CPD: variants seen among roughly 807,000 people sequenced by gnomAD.
CPD encodes metallocarboxypeptidase D.
A neutral mutation model predicts 138.3 loss-of-function variants in CPD; 69 were observed. That is an observed-to-expected ratio of 0.50 (90% CI 0.41 to 0.61). The LOEUF (loss-of-function observed/expected upper bound fraction) is 0.61. Among genes scored for constraint, CPD ranks in the 20% least tolerant of loss-of-function variants. The pLI, the probability that CPD is intolerant of heterozygous loss-of-function variation, is 0.00. For synonymous variants in CPD, 651 were observed against 642.1 expected, an observed-to-expected ratio of 1.01 and a Z score of -0.21; for missense variants, 1,432 against 1,733.3, an observed-to-expected ratio of 0.83 and a Z score of 3.09.
chr17:30,437,208 T>C (rs1028861047), intron 8 of CPD, among the ~76,000 whole-genome samples: 82 of 152,206 alleles, frequency 5.4e-4, no homozygotes, highest in African/African-American at 1.9e-3. Flanking sequence ...CTAAAATTTA[T>C]TATGGTGGGT....
chr17:30,396,129 C>T (rs1004363906), intron 2 of CPD, among the ~76,000 whole-genome samples: 4 of 151,980 alleles, frequency 2.6e-5, no homozygotes, highest in African/African-American at 9.7e-5. Flanking sequence ...CACTTATTGC[C>T]TATAAAAAAT....
chr17:30,464,096 A>C (rs1913565104), intron 20 of CPD, among the ~76,000 whole-genome samples: 1 of 152,144 alleles, frequency 6.6e-6, no homozygotes, highest in South Asian at 2.1e-4. Context: ...CATATGCATA[A>C]AGAAAGATCT....
intron 2 of CPD, among the ~76,000 whole-genome samples, chr17:30,390,493 T>G (rs1206769760): frequency 2.6e-5 from 4 of 152,218 alleles, no homozygotes; most frequent in African/African-American, 9.6e-5. Flanking sequence ...AGCAAATATT[T>G]ACTGAGTTCC....
At chr17:30,423,323 G>C (rs1245255439) in intron 5 of CPD, among the ~76,000 whole-genome samples, 183 bp from the exon 6 acceptor site, 2 of 152,138 alleles carry the variant, frequency 1.3e-5, no homozygotes, top group Non-Finnish European at 2.9e-5. Flanking sequence ...AGCCTGCTCA[G>C]ACATATGTAT....
intron 1 of CPD, among the ~76,000 whole-genome samples, chr17:30,380,800 A>G (rs986686898): frequency 6.6e-6 from 1 of 152,212 alleles, no homozygotes; most frequent in African/African-American, 2.4e-5. Context: ...GAATAAAATA[A>G]GAGGGAACTC....
At position 30,422,704 on chromosome 17, in the gene CPD, G is replaced by GCT; in HGVS notation, c.1338_1339insCT (p.Val447LeufsTer2). On this transcript the variant is annotated frameshift_variant, in exon 5 of 21. Coordinates refer to ENST00000225719, the MANE Select transcript of CPD (RefSeq NM_001304.5). LOFTEE classifies it high-confidence loss of function. The stretch of plus-strand genomic sequence containing the variant: ...TGCCATTGACTGTTACTAATGTAGT[G>GCT]GTGAAAGAAGGACCAGCCACAGAGG... The GCT allele has an allele frequency of 6.2e-7, 1 of 1,612,694 alleles. No homozygotes were observed. The highest frequency in any genetic ancestry group is 8.5e-7 in the Non-Finnish European group (1 of 1,179,376).
chr17:30,379,490 G>C lies in CPD; in HGVS notation c.510G>C (p.Leu170=), dbSNP rs1330171953. The C allele has an allele frequency of 6.4e-7, 1 of 1,574,046 alleles. No homozygotes were observed. The highest frequency in any genetic ancestry group is 1.8e-5 in the Admixed American group (1 of 56,228). Reference sequence around the variant, plus strand: ...GCGGGGACCCGCGCCTGGTCCGCCTGCTCAACACCACCGACGTGTACCTGC... The same window carrying C: ...GCGGGGACCCGCGCCTGGTCCGCCTCCTCAACACCACCGACGTGTACCTGC... ...YRRGDPRLVR[L]LNTTDVYLLP... Residue 170 remains leucine (L), a synonymous_variant, in exon 1 of 21, where the codon CTG becomes CTC. Coordinates refer to ENST00000225719, the MANE Select transcript of CPD (RefSeq NM_001304.5). This position sits in a 1 kb window ranked among gnomAD's most constrained non-coding sequence, Gnocchi z 7.0.
At chr17:30,444,715 G>C (rs574822315) in intron 11 of CPD, among the ~76,000 whole-genome samples, 2 of 151,608 alleles carry the variant, frequency 1.3e-5, no homozygotes, top group Non-Finnish European at 2.9e-5. Context: ...GTAGAGACAG[G>C]GTTTCTCTTG....
At chr17:30,395,293 C>A (rs1911473119) in intron 2 of CPD, among the ~76,000 whole-genome samples, 1 of 150,372 alleles carries the variant, frequency 6.7e-6, no homozygotes, top group African/African-American at 2.5e-5. Flanking sequence ...TAATTCTCAG[C>A]CTGATCATAT....
rs572036209 is a variant in CPD, at chr17:30,431,376, G to T, written c.2018-396G>T. On this transcript the variant is annotated intron_variant, in intron 7 of 20. Transcript: ENST00000225719. The stretch of plus-strand genomic sequence containing the variant: ...TGGACACTGGACCCTTATCAGGCTT[G>T]CAAAACATTTTCCCCCATTCTATAG... 5.3e-5 allele frequency among the ~76,000 whole-genome samples: 8 copies of T among 152,256 alleles called. No individual in the cohort carries two copies. The East Asian group carries it at 7.7e-4, about 15-fold the overall frequency.
intron 2 of CPD, among the ~76,000 whole-genome samples, chr17:30,396,395 A>T (rs969523307): frequency 5.9e-5 from 9 of 152,064 alleles, no homozygotes; most frequent in Non-Finnish European, 1.2e-4. Context: ...AACAAAAAAA[A>T]CTTGCTATGT....
Position 30,380,763 on chromosome 17 carries a change from G to T in CPD, c.746+1037G>T, listed in dbSNP as rs1298078163. 7 of 644,708 alleles carry T rather than the reference G, an allele frequency of 1.1e-5. No individual in the cohort carries two copies. In the East Asian group the frequency reaches 2.2e-4, roughly 21 times the overall value. 39.9% of individuals were successfully genotyped at this position (644,708 alleles called of 1,614,324 possible). On this transcript the variant is annotated intron_variant, in intron 1 of 20. Transcript: ENST00000225719. ...TAGAGCTTGAGCTATCTCCAGAGATGGGCAGGATTTTCAGCAAAAAGGAGA... is the reference window on the plus strand; with the variant it reads ...TAGAGCTTGAGCTATCTCCAGAGATTGGCAGGATTTTCAGCAAAAAGGAGA...
intron 3 of CPD, 30 bp from the exon 4 acceptor site, chr17:30,421,634 G>A (rs770429178): frequency 2.5e-5 from 40 of 1,608,700 alleles, no homozygotes; most frequent in South Asian, 1.2e-4. Flanking sequence ...CAAATTCACC[G>A]TCTCTGAGCT....
chr17:30,388,974 C>T (rs1911271881), intron 2 of CPD, among the ~76,000 whole-genome samples: 1 of 152,158 alleles, frequency 6.6e-6, no homozygotes, highest in African/African-American at 2.4e-5. Flanking sequence ...GTGGGGTGGG[C>T]GCAGTGGCTG....
chr17:30,442,202 T>A (rs1370257618), intron 9 of CPD, 106 bp from the exon 10 acceptor site: 2 of 997,454 alleles, frequency 2.0e-6, no homozygotes, highest in African/African-American at 3.2e-5. Flanking sequence ...TTATCAATGC[T>A]GATAAGAGAT....
intron 2 of CPD, among the ~76,000 whole-genome samples, chr17:30,411,014 T>C (rs1911953053): frequency 6.6e-6 from 1 of 152,208 alleles, no homozygotes; most frequent in Non-Finnish European, 1.5e-5. Context: ...CTTTTCAATG[T>C]TTAGTGCTTC....
intron 2 of CPD, among the ~76,000 whole-genome samples, chr17:30,416,644 C>G (rs1032556534): frequency 6.6e-6 from 1 of 152,162 alleles, no homozygotes; most frequent in African/African-American, 2.4e-5. Context: ...TTACACTTAC[C>G]AAACTTTTCC....
intron 20 of CPD, among the ~76,000 whole-genome samples, chr17:30,462,699 G>A (rs1224667538): frequency 6.6e-6 from 1 of 152,126 alleles, no homozygotes; most frequent in African/African-American, 2.4e-5. Flanking sequence ...CGGTGCTAGA[G>A]AAATTAAAGA....
In CPD at chr17:30,469,588, G is replaced by T. The variant is rs143621349; in HGVS notation, c.*4774G>T. The T allele has an allele frequency of 6.6e-6, 1 of 152,120 alleles. No individual in the cohort carries two copies. The highest frequency in any genetic ancestry group is 1.5e-5 in the Non-Finnish European group (1 of 68,006). The allele number at this position is 152,120 out of a possible 1,614,324, so 9.4% of individuals were successfully genotyped here. A position where few individuals can be genotyped will look rare whatever the true frequency, so the allele number is the denominator to read the frequency against. The stretch of plus-strand genomic sequence containing the variant: ...TTACTTTATCAAATGTATAAATAAA[G>T]ATCTGTTTATAGGTGATCTTTTTAA... On this transcript the variant is annotated 3_prime_UTR_variant, in exon 21 of 21. Transcript: ENST00000225719.
Sources: gnomAD v4.1 joint callset for allele counts (sites outside exome capture counted in the v4.1 genomes callset) on GRCh38, gnomAD v4.1.1 for gene constraint, Gnocchi (gnomAD v3.1) non-coding constraint, MANE v1.5 for transcripts, NCBI Gene and HGNC (gene_info 2026-07-23, HGNC 2026-07-21) for gene names.